Variants in EYA4 observed in about 807,000 individuals in gnomAD.
EYA4 encodes EYA transcriptional coactivator and phosphatase 4.
Under a neutral mutation model 87.9 loss-of-function variants are expected in EYA4, and 31 were observed. That is an observed-to-expected ratio of 0.35 (90% CI 0.27 to 0.48). EYA4 has a LOEUF of 0.48. EYA4 is among the 20% of genes least tolerant of loss of function. EYA4 has a pLI of 0.99. For missense variants in EYA4, 678 were observed against 761.4 expected, an observed-to-expected ratio of 0.89 and a Z score of 1.29; for synonymous variants, 263 against 270.6, an observed-to-expected ratio of 0.97 and a Z score of 0.28.
intron 2 of EYA4, among the ~76,000 whole-genome samples, chr6:133,368,408 CAT>C (rs1216417385): frequency 2.0e-5 from 3 of 152,120 alleles, no homozygotes. Context: ...CAGGAACAGA[CAT>C]ATATTTTGCT....
chr6:133,270,887 C>T (rs1776634564), intron 1 of EYA4, among the ~76,000 whole-genome samples: 1 of 152,196 alleles, frequency 6.6e-6, no homozygotes, highest in African/African-American at 2.4e-5. Flanking sequence ...TAACTCCCCT[C>T]TTAGCCTGTT....
intron 2 of EYA4, among the ~76,000 whole-genome samples, chr6:133,294,023 T>TATA (rs1778716379): frequency 1.3e-5 from 1 of 78,780 alleles, no homozygotes; most frequent in Non-Finnish European, 2.5e-5. Context: ...TAGGGTGATT[T>TATA]TATATATATA....
intron 2 of EYA4, among the ~76,000 whole-genome samples, chr6:133,276,391 G>C (rs1040130495): frequency 6.6e-6 from 1 of 152,144 alleles, no homozygotes; most frequent in African/African-American, 2.4e-5. Flanking sequence ...TATAGGGTGT[G>C]TATATACTCA....
intron 2 of EYA4, among the ~76,000 whole-genome samples, chr6:133,302,044 A>G (rs1440718680): frequency 6.6e-6 from 1 of 152,124 alleles, no homozygotes; most frequent in Non-Finnish European, 1.5e-5. Flanking sequence ...ATATTCGGGG[A>G]AGTGAGGACA....
chr6:133,443,350 G>A (rs954094007), intron 3 of EYA4, among the ~76,000 whole-genome samples: 10 of 151,778 alleles, frequency 6.6e-5, no homozygotes, highest in South Asian at 6.2e-4. Context: ...ATGTTAATTG[G>A]ATCAATTTTA....
chr6:133,509,482 T>C (rs1055911716), intron 14 of EYA4, among the ~76,000 whole-genome samples: 2 of 152,086 alleles, frequency 1.3e-5, no homozygotes, highest in Non-Finnish European at 2.9e-5. Flanking sequence ...TAGCAGCTGT[T>C]CCTCACATAA....
chr6:133,334,903 A>G (rs1186478280), intron 2 of EYA4, among the ~76,000 whole-genome samples: 5 of 152,228 alleles, frequency 3.3e-5, no homozygotes, highest in Non-Finnish European at 7.3e-5. Flanking sequence ...CAAGCCAGCT[A>G]CATATAGCTA....
At chr6:133,282,737 A>G (rs901808883) in intron 2 of EYA4, among the ~76,000 whole-genome samples, 5 of 152,144 alleles carry the variant, frequency 3.3e-5, no homozygotes, top group African/African-American at 1.2e-4. Context: ...GTTAAGAAGG[A>G]ACCTATGGCT....
intron 11 of EYA4, among the ~76,000 whole-genome samples, chr6:133,479,025 G>A (rs1377808310): frequency 6.6e-6 from 1 of 152,128 alleles, no homozygotes; most frequent in Non-Finnish European, 1.5e-5. Context: ...ATGACTATAA[G>A]GAGAAGTTTT....
At chr6:133,440,890 A>G (rs1260562358) in intron 3 of EYA4, among the ~76,000 whole-genome samples, 1 of 152,230 alleles carries the variant, frequency 6.6e-6, no homozygotes, top group East Asian at 1.9e-4. Context: ...CTCAGAAATC[A>G]CATATAACTT....
chr6:133,260,115 T>C (rs1325973729), intron 1 of EYA4, among the ~76,000 whole-genome samples: 1 of 152,240 alleles, frequency 6.6e-6, no homozygotes, highest in Non-Finnish European at 1.5e-5. Context: ...CTGTTTCTTT[T>C]GTGTCTGTTT....
Position 133,528,725 on chromosome 6 carries a change from C to T in EYA4, c.1840C>T (p.His614Tyr), listed in dbSNP as rs1800831974. The change falls in exon 20 of 20, where the codon CAC (histidine) becomes TAC (tyrosine). Residue 614 changes from histidine to tyrosine, a missense_variant and splice_region_variant. By Grantham distance (83) the His-to-Tyr change is moderately conservative (BLOSUM62 2). Transcript: ENST00000355286. ...GVEEEQAAKK[H>Y]NMPFWRISSH... is the part of the protein sequence containing the mutation. Reference sequence around the variant, plus strand: ...ATCCCTCCTTCTCCTAACCACACAGCACAACATGCCCTTCTGGAGGATATC... The same window carrying T: ...ATCCCTCCTTCTCCTAACCACACAGTACAACATGCCCTTCTGGAGGATATC... 1.9e-6 allele frequency: 3 copies of T among 1,610,440 alleles called. No homozygotes were observed. The highest frequency in any genetic ancestry group is 2.2e-5 in the South Asian group (2 of 91,020).
intron 2 of EYA4, among the ~76,000 whole-genome samples, chr6:133,314,418 C>T (rs1298635497): frequency 6.6e-6 from 1 of 152,140 alleles, no homozygotes; most frequent in Non-Finnish European, 1.5e-5. Context: ...AAACATCTCA[C>T]AGTTAAATAT....
At chr6:133,476,675 A>G (rs547517130) in intron 11 of EYA4, among the ~76,000 whole-genome samples, 2 of 152,224 alleles carry the variant, frequency 1.3e-5, no homozygotes, top group Non-Finnish European at 2.9e-5. Flanking sequence ...GGTTGACTCC[A>G]TATCTTGGCT....
chr6:133,401,341 G>A (rs1267736278), intron 3 of EYA4, among the ~76,000 whole-genome samples: 1 of 151,908 alleles, frequency 6.6e-6, no homozygotes, highest in African/African-American at 2.4e-5. Flanking sequence ...CACGTCAGTA[G>A]GGTGAGTATA....
chr6:133,330,398 G>C (rs1189820867), intron 2 of EYA4, among the ~76,000 whole-genome samples: 5 of 152,004 alleles, frequency 3.3e-5, no homozygotes, highest in South Asian at 4.1e-4. Context: ...TAATTACAAT[G>C]AAGTTTTTTG....
rs772000455 is a variant in EYA4, at chr6:133,438,771, G to A, written c.84-7859G>A. On this transcript the variant is annotated intron_variant, in intron 3 of 19. Coordinates refer to ENST00000355286, the MANE Select transcript of EYA4 (RefSeq NM_004100.5). Reference sequence around the variant, plus strand: ...TAAATTAAAAGTCTTGGCCGGGTGCGGTGGCTCACGCCTGTAATCCCAGCA... The same window carrying A: ...TAAATTAAAAGTCTTGGCCGGGTGCAGTGGCTCACGCCTGTAATCCCAGCA... Among the ~76,000 whole-genome samples, 18 of 152,046 alleles carry A rather than the reference G, an allele frequency of 1.2e-4. 1 individual carries two copies. In the Middle Eastern group the frequency reaches 0.01, roughly 86 times the overall value.
chr6:133,241,302 C>G (rs944927520), upstream of EYA4: 1 of 152,080 alleles, frequency 6.6e-6, no homozygotes, highest in African/African-American at 2.4e-5. Flanking sequence ...CCTCCCTGCG[C>G]AAGTGCGAGG....
At chr6:133,275,546 CT>C (rs369470483) in intron 2 of EYA4, among the ~76,000 whole-genome samples, 4,900 of 141,862 alleles carry the variant, frequency 0.035, 150 homozygotes, top group African/African-American at 0.092. Context: ...GATGCTGTTC[CT>C]TTTTTTTTTT....
Sources: gnomAD v4.1 joint callset for allele counts (sites outside exome capture counted in the v4.1 genomes callset) on GRCh38, gnomAD v4.1.1 for gene constraint, MANE v1.5 for transcripts, NCBI Gene and HGNC (gene_info 2026-07-23, HGNC 2026-07-21) for gene names.